The following LTBP1 variants were observed in gnomAD, a reference collection of about 807,000 sequenced individuals.
LTBP1 encodes the protein latent-transforming growth factor beta-binding protein 1.
A neutral mutation model predicts 207.6 loss-of-function variants in LTBP1; 129 were observed. The observed-to-expected ratio is 0.62, with a 90% CI of 0.54 to 0.72. LTBP1 has a LOEUF of 0.72. LTBP1 is among the 30% of genes least tolerant of loss of function. LTBP1 has a pLI of 0.00. For missense variants in LTBP1, 2,281 were observed against 2,217.2 expected (o/e 1.03, Z -0.58); for synonymous variants, 963 against 833.7 (o/e 1.16, Z -2.67).
intron 2 of LTBP1, among the ~76,000 whole-genome samples, chr2:32,965,831 G>A (rs538681784): frequency 6.6e-6 from 1 of 152,162 alleles, no homozygotes; most frequent in Admixed American, 6.5e-5. Context: ...CAACACTTTT[G>A]TGTAAATACC....
At chr2:33,149,308 A>G (rs1443006072) in intron 5 of LTBP1, among the ~76,000 whole-genome samples, 1 of 151,508 alleles carries the variant, frequency 6.6e-6, no homozygotes, top group East Asian at 1.9e-4. Flanking sequence ...GTCATTAGCA[A>G]CAAAGTTGAG....
intron 20 of LTBP1, among the ~76,000 whole-genome samples, chr2:33,298,319 G>T (rs946425031): frequency 3.3e-5 from 5 of 152,172 alleles, no homozygotes; most frequent in African/African-American, 1.2e-4. Flanking sequence ...AATTACTCCT[G>T]ACATTCTTAG....
chr2:33,061,376 C>T (rs1364959209), intron 3 of LTBP1: 1 of 152,136 alleles, frequency 6.6e-6, no homozygotes, highest in Non-Finnish European at 1.5e-5. Context: ...ACAAATCTTA[C>T]ATGCACCCTT....
At chr2:33,245,495 C>T (rs974879377) in intron 10 of LTBP1, among the ~76,000 whole-genome samples, 1 of 152,216 alleles carries the variant, frequency 6.6e-6, no homozygotes. Flanking sequence ...AAGTTTTACA[C>T]GTAAGTCCTC....
At chr2:33,365,149 A>T (rs1315341543) in intron 30 of LTBP1, among the ~76,000 whole-genome samples, 184 bp from the exon 31 acceptor site, 8 of 152,156 alleles carry the variant, frequency 5.3e-5, no homozygotes, top group Non-Finnish European at 4.4e-5. Flanking sequence ...CAACTGATGG[A>T]ATGACACCCA....
chr2:33,294,793 G>A (rs2093842900), intron 20 of LTBP1, among the ~76,000 whole-genome samples: 1 of 151,306 alleles, frequency 6.6e-6, no homozygotes. Flanking sequence ...TGGTCAGGCT[G>A]GTCTCGAACT....
intron 7 of LTBP1, among the ~76,000 whole-genome samples, chr2:33,203,321 TGA>T (rs767704883): frequency 1.8e-4 from 28 of 152,328 alleles, no homozygotes; most frequent in Non-Finnish European, 3.5e-4. Flanking sequence ...TCACCGCATG[TGA>T]GAGAGAACAT....
intron 19 of LTBP1, among the ~76,000 whole-genome samples, chr2:33,287,096 A>C (rs571463008): frequency 3.3e-5 from 5 of 151,504 alleles, no homozygotes; most frequent in South Asian, 2.1e-4. Flanking sequence ...AATAAAATAA[A>C]AACAACAACA....
intron 20 of LTBP1, 147 bp downstream of exon 20, chr2:33,293,429 G>C (rs2093813885): frequency 3.0e-6 from 2 of 671,302 alleles, no homozygotes; most frequent in Non-Finnish European, 2.4e-6. Context: ...TTGGCTGAAA[G>C]TGGCTCCTTG....
intron 3 of LTBP1, among the ~76,000 whole-genome samples, chr2:33,025,872 T>A (rs1423209226): frequency 2.0e-5 from 3 of 152,162 alleles, no homozygotes; most frequent in African/African-American, 7.2e-5. Flanking sequence ...TTTTCTGTAA[T>A]AAAGAGTAAT....
chr2:33,298,525 T>C lies in LTBP1; in HGVS notation c.3236-1926T>C, dbSNP rs188910702. Among the ~76,000 whole-genome samples the C allele has an allele frequency of 2.0e-5, 3 of 152,362 alleles. No homozygotes were observed. The East Asian group carries it at 5.8e-4, about 29-fold the overall frequency. On this transcript the variant is annotated intron_variant, in intron 20 of 33. Transcript: ENST00000404816. The stretch of plus-strand genomic sequence containing the variant: ...AGATCCAGCCAGCTACAAGAACTAT[T>C]GTTGGTCTTCAGTTCGTGAACTGAC...
intron 2 of LTBP1, among the ~76,000 whole-genome samples, chr2:32,961,554 C>G (rs1250637428): frequency 1.2e-5 from 1 of 86,172 alleles, no homozygotes; most frequent in Admixed American, 1.4e-4. Context: ...TTTTGTTCAT[C>G]CCCCCCACCT....
intron 2 of LTBP1, among the ~76,000 whole-genome samples, chr2:32,982,524 A>T (rs1470220885): frequency 1.3e-5 from 2 of 152,124 alleles, no homozygotes; most frequent in Non-Finnish European, 2.9e-5. Context: ...TCACCAAGAC[A>T]GTGGGGAAAA....
chr2:33,062,365 T>C (rs1318133709), intron 3 of LTBP1, among the ~76,000 whole-genome samples: 1 of 152,198 alleles, frequency 6.6e-6, no homozygotes, highest in Non-Finnish European at 1.5e-5. Context: ...AATAAATCTT[T>C]GCCTACTCTC....
At chr2:33,383,505 C>T (rs1181962677) in intron 31 of LTBP1, among the ~76,000 whole-genome samples, 1 of 152,108 alleles carries the variant, frequency 6.6e-6, no homozygotes, top group Non-Finnish European at 1.5e-5. Context: ...AGAAAAATAC[C>T]TGGTCTAGAA....
intron 2 of LTBP1, among the ~76,000 whole-genome samples, chr2:32,997,448 A>C (rs748086748): frequency 6.6e-6 from 1 of 152,194 alleles, no homozygotes; most frequent in Non-Finnish European, 1.5e-5. Flanking sequence ...GTTTGAGGCT[A>C]TAGTGAGCTA....
intron 3 of LTBP1, among the ~76,000 whole-genome samples, chr2:33,089,723 C>A (rs78718170): frequency 0.014 from 2,066 of 152,270 alleles, 32 homozygotes; most frequent in African/African-American, 0.045. Context: ...TTTCTTATTT[C>A]TTTATGCTAT....
intron 3 of LTBP1, among the ~76,000 whole-genome samples, chr2:33,052,296 A>G (rs1185311808): frequency 2.0e-5 from 3 of 152,248 alleles, no homozygotes; most frequent in Admixed American, 6.5e-5. Flanking sequence ...TGATGCAGTG[A>G]TTCTTTGAAG....
intron 32 of LTBP1, among the ~76,000 whole-genome samples, chr2:33,394,911 C>T (rs989756527): frequency 6.6e-6 from 1 of 152,178 alleles, no homozygotes; most frequent in Non-Finnish European, 1.5e-5. Flanking sequence ...CAAGTGAGAA[C>T]ATGTGGTATT....
Sources: gnomAD v4.1 joint callset for allele counts (sites outside exome capture counted in the v4.1 genomes callset) on GRCh38, gnomAD v4.1.1 for gene constraint, MANE v1.5 for transcripts, NCBI Gene and HGNC (gene_info 2026-07-23, HGNC 2026-07-21) for gene names.